The following MYH16 variants were observed in gnomAD, a reference collection of about 807,000 sequenced individuals.
MYH16 encodes putative uncharacterized protein MYH16.
In MYH16 at chr7:99,284,034, G is replaced by T; in HGVS notation, n.3225+16G>T. On this transcript the variant is annotated intron_variant and non_coding_transcript_variant, in intron 25 of 41. Coordinates refer to ENST00000439784, the Ensembl canonical transcript of MYH16. ...TGGTGAAAAAGTATGTCTTGTCGTC[G>T]TTCGTTTTGTCCATCACAATGGTAG... The T allele has an allele frequency of 2.3e-6, 1 of 438,920 alleles. No individual in the cohort carries two copies. Among genetic ancestry groups the T allele is most frequent in the South Asian group, 1.6e-5 (1 of 60,722 alleles). The allele number at this position is 438,920 out of a possible 1,614,324, so 27.2% of individuals were successfully genotyped here.
chr7:99,282,013 T>G (rs1287262383), intron 23 of MYH16, among the ~76,000 whole-genome samples: 1 of 152,196 alleles, frequency 6.6e-6, no homozygotes, highest in Non-Finnish European at 1.5e-5. Flanking sequence ...ATGTGTGTTA[T>G]TCACACTGGT....
intron 20 of MYH16, among the ~76,000 whole-genome samples, chr7:99,275,153 C>A (rs368961353): frequency 6.6e-6 from 1 of 151,902 alleles, no homozygotes; most frequent in East Asian, 1.9e-4. Flanking sequence ...GCCACCATGC[C>A]CAGCTAATTT....
At chr7:99,294,812 C>T (rs1792457619) in intron 33 of MYH16, among the ~76,000 whole-genome samples, 1 of 152,050 alleles carries the variant, frequency 6.6e-6, no homozygotes. Flanking sequence ...GTGATCCACC[C>T]GCCTTGGCCT....
chr7:99,249,269 AG>A (rs2150806788), intron 4 of MYH16, among the ~76,000 whole-genome samples: 1 of 152,064 alleles, frequency 6.6e-6, no homozygotes, highest in African/African-American at 2.4e-5. Flanking sequence ...CTTTGAGGCC[AG>A]GTGTGGTGGC....
chr7:99,262,403 A>G (rs1410363277), intron 13 of MYH16, among the ~76,000 whole-genome samples: 1 of 152,180 alleles, frequency 6.6e-6, no homozygotes, highest in African/African-American at 2.4e-5. Flanking sequence ...TGTAAAATGG[A>G]TGTGGCCGAT....
intron 11 of MYH16, chr7:99,260,052 C>T: frequency 1.2e-6 from 1 of 818,850 alleles, no homozygotes; most frequent in Non-Finnish European, 1.9e-6. Context: ...GTGCCTGACA[C>T]TAGTGGGCCC....
In MYH16 at chr7:99,277,726, C is replaced by T. The variant is rs1025029233; in HGVS notation, n.2659+14C>T. On this transcript the variant is annotated intron_variant and non_coding_transcript_variant, in intron 21 of 41. Coordinates refer to ENST00000439784, the Ensembl canonical transcript of MYH16. ...CAGCTGCAGGCTGTACGTGGGGTCC[C>T]CAGGGAGAAGGGTGGGAAACCCATA... The T allele has an allele frequency of 2.2e-6, 1 of 452,548 alleles. No homozygotes were observed. Among genetic ancestry groups the T allele is most frequent in the African/African-American group, 2.0e-5 (1 of 49,888 alleles). The allele number at this position is 452,548 out of a possible 1,614,324, so 28.0% of individuals were successfully genotyped here.
intron 1 of MYH16, among the ~76,000 whole-genome samples, chr7:99,242,663 T>G (rs1386233247): frequency 3.3e-5 from 5 of 152,110 alleles, no homozygotes; most frequent in Admixed American, 2.0e-4. Context: ...ATTAAAAATT[T>G]AAAAAGGAAA....
At chr7:99,276,053 T>C (rs1792108367) in intron 20 of MYH16, among the ~76,000 whole-genome samples, 1 of 152,248 alleles carries the variant, frequency 6.6e-6, no homozygotes, top group South Asian at 2.1e-4. Context: ...GTTGTTGTTC[T>C]AAATCCTCTC....
intron 6 of MYH16, chr7:99,252,598 C>T (rs1791823330): frequency 6.6e-6 from 1 of 152,384 alleles, no homozygotes; most frequent in African/African-American, 2.4e-5. Flanking sequence ...TGGGACTTCT[C>T]TCCCCTACAA....
intron 20 of MYH16, among the ~76,000 whole-genome samples, chr7:99,275,132 T>C (rs555475548): frequency 3.9e-5 from 6 of 152,188 alleles, no homozygotes; most frequent in Admixed American, 1.3e-4. Context: ...TAGCTCAGAC[T>C]ATAGGTGTGT....
At chr7:99,294,951 G>A (rs769162183) in intron 33 of MYH16, among the ~76,000 whole-genome samples, 3 of 152,142 alleles carry the variant, frequency 2.0e-5, no homozygotes, top group African/African-American at 4.8e-5. Flanking sequence ...AAGGCATGAG[G>A]ATCATTTGAA....
intron 20 of MYH16, among the ~76,000 whole-genome samples, chr7:99,274,011 C>CA (rs915944677): frequency 1.9e-4 from 29 of 152,154 alleles, no homozygotes; most frequent in Non-Finnish European, 4.4e-5. Context: ...CCACCCCCAC[C>CA]AAAAAAAGTG....
Position 99,289,281 on chromosome 7 carries a change from G to A in MYH16, n.3707-6G>A. 1 of 409,750 alleles carries A rather than the reference G, an allele frequency of 2.4e-6. No individual in the cohort carries two copies. The allele number at this position is 409,750 out of a possible 1,614,324, so 25.4% of individuals were successfully genotyped here. On this transcript the variant is annotated splice_polypyrimidine_tract_variant and splice_region_variant and intron_variant and non_coding_transcript_variant, in intron 29 of 41. Transcript: ENST00000439784. ...CTTCCCCACTGAGTTCATCCTTCCT[G>A]AGCAGATGAACGCCGAGGCCCACGT...
In MYH16 at chr7:99,276,567, G is replaced by A. The variant is rs536904254; in HGVS notation, n.2486-972G>A. ...AGGGCCAAGTGCACAGAGAGGTCCC[G>A]ATGGGTGCTGCGGGTGCAGAGCACG... On this transcript the variant is annotated intron_variant and non_coding_transcript_variant, in intron 20 of 41. Coordinates refer to ENST00000439784, the Ensembl canonical transcript of MYH16. Among the ~76,000 whole-genome samples, 14 of 152,376 alleles carry A rather than the reference G, an allele frequency of 9.2e-5. No individual in the cohort carries two copies. The East Asian group carries it at 1.4e-3, about 15-fold the overall frequency.
At chr7:99,286,279 G>A (rs770131265) in intron 27 of MYH16, among the ~76,000 whole-genome samples, 4 of 152,240 alleles carry the variant, frequency 2.6e-5, no homozygotes, top group African/African-American at 9.6e-5. Flanking sequence ...TGCTGGGTAT[G>A]ATGGCATGTG....
chr7:99,265,791 C>T (rs976618767), intron 17 of MYH16: 6 of 152,712 alleles, frequency 3.9e-5, no homozygotes, highest in African/African-American at 1.4e-4. Context: ...GCCAATACCA[C>T]CTCACCATCA....
downstream of MYH16, among the ~76,000 whole-genome samples, chr7:99,307,050 T>TGGG (rs1792692008): frequency 6.6e-6 from 1 of 152,126 alleles, no homozygotes; most frequent in Admixed American, 6.5e-5. Flanking sequence ...AGCCCTCGGG[T>TGGG]GGGGTGCTGT....
chr7:99,262,148 A>C (rs1326554410), intron 13 of MYH16, among the ~76,000 whole-genome samples: 1 of 152,076 alleles, frequency 6.6e-6, no homozygotes, highest in South Asian at 2.1e-4. Context: ...TTGCATTTGC[A>C]TAATTAATAG....
Sources: gnomAD v4.1 joint callset for allele counts (sites outside exome capture counted in the v4.1 genomes callset) on GRCh38, gnomAD v4.1.1 for gene constraint, MANE v1.5 for transcripts, NCBI Gene and HGNC (gene_info 2026-07-23, HGNC 2026-07-21) for gene names.